LYPLAL1: variants seen among roughly 807,000 people sequenced by gnomAD.
LYPLAL1 encodes lysophospholipase-like protein 1.
Under a neutral mutation model 19.7 loss-of-function variants are expected in LYPLAL1, and 23 were observed. The ratio of observed to expected loss-of-function variants is 1.17; its 90% CI spans 0.84 to 1.65. The LOEUF (loss-of-function observed/expected upper bound fraction) is 1.65, where lower values mean the gene tolerates loss of function less well. LYPLAL1 is among the 40% of genes most tolerant of loss of function. The pLI is 0.00. For missense variants in LYPLAL1, 355 were observed against 279.4 expected, an observed-to-expected ratio of 1.27 and a Z score of -1.93; for synonymous variants, 119 against 96.3, an observed-to-expected ratio of 1.24 and a Z score of -1.38.
the LYPLAL1 span, among the ~76,000 whole-genome samples, chr1:219,234,909 A>G: frequency 6.6e-6 from 1 of 152,174 alleles, no homozygotes; most frequent in South Asian, 2.1e-4. Context: ...TGAGAATTTC[A>G]TCTTTTAAAA....
chr1:219,346,109 T>A, the LYPLAL1 span, among the ~76,000 whole-genome samples: 1 of 152,166 alleles, frequency 6.6e-6, no homozygotes, highest in African/African-American at 2.4e-5. Context: ...AGAAAGCCAG[T>A]CACTGAGACT....
chr1:219,275,100 C>A, the LYPLAL1 span, among the ~76,000 whole-genome samples: 2 of 152,184 alleles, frequency 1.3e-5, no homozygotes, highest in Non-Finnish European at 2.9e-5. Context: ...TCTTCCCTGC[C>A]TACAGTTGGG....
intron 2 of LYPLAL1, 178 bp downstream of exon 2, chr1:219,179,424 C>G: frequency 1.8e-6 from 1 of 555,988 alleles, no homozygotes; most frequent in Non-Finnish European, 3.2e-6. Flanking sequence ...CAAGTTTTGC[C>G]AGGTGAGTAA....
At chr1:219,242,101 A>G in the LYPLAL1 span, among the ~76,000 whole-genome samples, 1 of 152,180 alleles carries the variant, frequency 6.6e-6, no homozygotes, top group African/African-American at 2.4e-5. Flanking sequence ...AGGCGCTATT[A>G]AGTTGAGAGG....
At chr1:219,203,123 T>G (rs1444092456) in intron 3 of LYPLAL1, among the ~76,000 whole-genome samples, 2 of 152,176 alleles carry the variant, frequency 1.3e-5, no homozygotes, top group Non-Finnish European at 2.9e-5. Flanking sequence ...GATTTCTGAT[T>G]TAATGTAAGA....
At chr1:219,236,898 C>T in the LYPLAL1 span, among the ~76,000 whole-genome samples, 2 of 152,130 alleles carry the variant, frequency 1.3e-5, no homozygotes, top group African/African-American at 4.8e-5. Context: ...TTTCTTGATG[C>T]TCTCCCTCCC....
chr1:219,187,452 G>T (rs1047273254), intron 2 of LYPLAL1, among the ~76,000 whole-genome samples: 1 of 151,242 alleles, frequency 6.6e-6, no homozygotes, highest in Non-Finnish European at 1.5e-5. Context: ...GCCCAATAAA[G>T]ATTTTTATTT....
chr1:219,409,172 G>A, the LYPLAL1 span, among the ~76,000 whole-genome samples: 1 of 152,170 alleles, frequency 6.6e-6, no homozygotes, highest in Admixed American at 6.5e-5. Flanking sequence ...AAAATGGTTG[G>A]GTGTAGTGGC....
chr1:219,268,909 T>G, the LYPLAL1 span, among the ~76,000 whole-genome samples: 1 of 152,216 alleles, frequency 6.6e-6, no homozygotes, highest in Non-Finnish European at 1.5e-5. Flanking sequence ...CTCATGGGCC[T>G]TAGTAGCAAT....
the LYPLAL1 span, among the ~76,000 whole-genome samples, chr1:219,380,104 T>C: frequency 6.6e-6 from 1 of 152,236 alleles, no homozygotes; most frequent in African/African-American, 2.4e-5. Context: ...TATGATATAG[T>C]TATCATCTTT....
At chr1:219,270,434 C>A in the LYPLAL1 span, among the ~76,000 whole-genome samples, 1 of 152,130 alleles carries the variant, frequency 6.6e-6, no homozygotes, top group Admixed American at 6.5e-5. Context: ...ATTGGTTGGG[C>A]CAGGTGTTCC....
the LYPLAL1 span, among the ~76,000 whole-genome samples, chr1:219,412,875 G>T: frequency 5.9e-5 from 9 of 152,030 alleles, no homozygotes; most frequent in African/African-American, 1.9e-4. Context: ...GCATTTTTTT[G>T]GTTTGCTTCA....
the LYPLAL1 span, among the ~76,000 whole-genome samples, chr1:219,415,364 A>T: frequency 6.6e-6 from 1 of 152,366 alleles, no homozygotes; most frequent in South Asian, 2.1e-4. Flanking sequence ...AGATGTTTTC[A>T]TGAAAAGTGT....
chr1:219,431,531 T>G, the LYPLAL1 span, among the ~76,000 whole-genome samples: 1 of 152,226 alleles, frequency 6.6e-6, no homozygotes, highest in Non-Finnish European at 1.5e-5. Context: ...TGGGCTCTGA[T>G]GAAGGTGACG....
chr1:219,247,930 C>T, the LYPLAL1 span, among the ~76,000 whole-genome samples: 1 of 151,902 alleles, frequency 6.6e-6, no homozygotes, highest in South Asian at 2.1e-4. Context: ...CCTATGAAAA[C>T]ATGAAATCAA....
the LYPLAL1 span, among the ~76,000 whole-genome samples, chr1:219,301,110 T>C: frequency 1.3e-5 from 2 of 151,956 alleles, no homozygotes; most frequent in Non-Finnish European, 2.9e-5. Context: ...GAAATCAAAA[T>C]GGGTTGTCTT....
rs1037674530 is a variant in LYPLAL1 at position 219,212,166 on chromosome 1, T to A, written c.*438T>A. On this transcript the variant is annotated 3_prime_UTR_variant, in exon 5 of 5. Transcript: ENST00000366928. ...GGTTTATAAACCGGTTTCACATTAT[T>A]TCATTTGATCATCACAAGAGCTTTG... 6.5e-6 allele frequency: 1 copy of A among 153,206 alleles called. No individual in the cohort carries two copies. The highest frequency in any genetic ancestry group is 2.4e-5 in the African/African-American group (1 of 41,446). The allele number at this position is 153,206 out of a possible 1,614,324, so 9.5% of individuals were successfully genotyped here. A position where few individuals can be genotyped will look rare whatever the true frequency, so the allele number is the denominator to read the frequency against.
chr1:219,290,512 TAAGAA>T, the LYPLAL1 span, among the ~76,000 whole-genome samples: 1 of 152,190 alleles, frequency 6.6e-6, no homozygotes, highest in Non-Finnish European at 1.5e-5. Context: ...ATACAGTGAT[TAAGAA>T]AAGTAACCCT....
the LYPLAL1 span, among the ~76,000 whole-genome samples, chr1:219,372,690 A>G: frequency 1.3e-5 from 2 of 152,208 alleles, no homozygotes; most frequent in African/African-American, 4.8e-5. Flanking sequence ...GTTTGAGCTC[A>G]GGAATTCAAG....
Sources: allele counts gnomAD v4.1 joint callset (sites outside exome capture counted in the v4.1 genomes callset), GRCh38; gene constraint gnomAD v4.1.1; transcripts MANE v1.5; gene names NCBI Gene and HGNC (gene_info 2026-07-23, HGNC 2026-07-21).